TENM2: variants seen among roughly 807,000 people sequenced by gnomAD.
The protein encoded by TENM2 is teneurin transmembrane protein 2.
A neutral mutation model predicts 245.2 loss-of-function variants in TENM2; 52 were observed. The observed-to-expected ratio is 0.21, with a 90% CI of 0.17 to 0.27. The LOEUF is 0.27. Among genes scored for constraint, TENM2 ranks in the 10% least tolerant of loss-of-function variants. The pLI is 1.00. For missense variants in TENM2, 3,046 were observed against 3,666.8 expected, an observed-to-expected ratio of 0.83 and a Z score of 4.37; for synonymous variants, 1,363 against 1,438.9, an observed-to-expected ratio of 0.95 and a Z score of 1.19.
At chr5:167,443,809 G>T (rs1220067557) in intron 2 of TENM2, among the ~76,000 whole-genome samples, 1 of 151,650 alleles carries the variant, frequency 6.6e-6, no homozygotes, top group African/African-American at 2.4e-5. Context: ...TTGAAAACAG[G>T]GGACTTATTT....
intron 2 of TENM2, among the ~76,000 whole-genome samples, chr5:167,631,668 A>G (rs1318489303): frequency 6.6e-6 from 1 of 151,980 alleles, no homozygotes; most frequent in Non-Finnish European, 1.5e-5. Context: ...GACTCACCTC[A>G]CTTCCTCTAA....
chr5:167,124,289 G>A, the TENM2 span, among the ~76,000 whole-genome samples: 1 of 152,194 alleles, frequency 6.6e-6, no homozygotes, highest in African/African-American at 2.4e-5. Context: ...TTTTTTCAAT[G>A]TATTATTCCT....
At chr5:167,357,530 G>T (rs2127253628) in intron 1 of TENM2, among the ~76,000 whole-genome samples, 1 of 152,142 alleles carries the variant, frequency 6.6e-6, no homozygotes, top group East Asian at 1.9e-4. Context: ...AAAGTGCTGG[G>T]ATTACAGATG....
chr5:168,007,384 C>T (rs1293486065), intron 5 of TENM2, among the ~76,000 whole-genome samples: 1 of 152,208 alleles, frequency 6.6e-6, no homozygotes, highest in Non-Finnish European at 1.5e-5. Flanking sequence ...CCACCTTGGC[C>T]TCCTAAAGTG....
chr5:167,139,865 C>T, the TENM2 span, among the ~76,000 whole-genome samples: 4 of 152,258 alleles, frequency 2.6e-5, no homozygotes, highest in Non-Finnish European at 5.9e-5. Context: ...TCAGATGTGC[C>T]GTACATGCTT....
intron 1 of TENM2, among the ~76,000 whole-genome samples, chr5:167,288,685 G>A (rs1561838260): frequency 6.6e-6 from 1 of 152,104 alleles, no homozygotes; most frequent in Non-Finnish European, 1.5e-5. Context: ...TTTGCGAGGT[G>A]GATACTATCA....
At chr5:167,380,247 A>G (rs989773415) in intron 2 of TENM2, among the ~76,000 whole-genome samples, 1 of 152,148 alleles carries the variant, frequency 6.6e-6, no homozygotes, top group Non-Finnish European at 1.5e-5. Flanking sequence ...GTCTTAATAT[A>G]TGATTACTAT....
chr5:167,528,311 T>A (rs1284580868), intron 2 of TENM2, among the ~76,000 whole-genome samples: 4 of 152,136 alleles, frequency 2.6e-5, no homozygotes, highest in African/African-American at 4.8e-5. Flanking sequence ...GGATGTGCAA[T>A]ATTTGGCTAA....
rs139078440 is a variant in TENM2 at position 167,742,977 on chromosome 5, AAACAACAACAACAACAAC to A, written c.503-132982_503-132965del. On this transcript the variant is annotated intron_variant, in intron 2 of 28. Transcript: ENST00000518659. Reference sequence around the variant, plus strand: ...GTGACAGAGTGAGACCTTGTCTTAAAAACAACAACAACAACAACAACAACAACAACAACAACAACAACA... The same window carrying A: ...GTGACAGAGTGAGACCTTGTCTTAAAAACAACAACAACAACAACAACAACA... Among the ~76,000 whole-genome samples the A allele has an allele frequency of 8.8e-3, 1,298 of 147,834 alleles. 20 individuals carry two copies. Among genetic ancestry groups the A allele is most frequent in the African/African-American group, 0.03 (1,220 of 40,044 alleles).
chr5:167,167,655 T>C, the TENM2 span, among the ~76,000 whole-genome samples: 1 of 152,226 alleles, frequency 6.6e-6, no homozygotes, highest in Admixed American at 6.5e-5. Flanking sequence ...CATAGCACGT[T>C]ATATGTAGGA....
chr5:167,807,631 A>ATTT lies in TENM2; in HGVS notation c.503-68355_503-68354insTTT, dbSNP rs1561803907. Among the ~76,000 whole-genome samples the ATTT allele has an allele frequency of 7.6e-3, 827 of 108,876 alleles. 7 individuals are homozygous for ATTT. Among genetic ancestry groups the ATTT allele is most frequent in the South Asian group, 0.025 (87 of 3,524 alleles). 71.4% of individuals were successfully genotyped at this position (108,876 alleles called of 152,430 possible). A position where few individuals can be genotyped will look rare whatever the true frequency, so the allele number is the denominator to read the frequency against. On this transcript the variant is annotated intron_variant, in intron 2 of 28. Transcript: ENST00000518659. Reference sequence around the variant, plus strand: ...TAATAAATGCATTTTTTTTAAAAAAAAAAAAAAAGAGACAGAACCTCTTAA... The same window carrying ATTT: ...TAATAAATGCATTTTTTTTAAAAAAATTTAAAAAAAAGAGACAGAACCTCTTAA...
intron 2 of TENM2, among the ~76,000 whole-genome samples, chr5:167,642,412 A>G (rs1163864320): frequency 1.3e-5 from 2 of 152,154 alleles, no homozygotes; most frequent in Non-Finnish European, 2.9e-5. Context: ...GAGACAACAG[A>G]ACACAGTTGA....
intron 9 of TENM2, among the ~76,000 whole-genome samples, chr5:168,117,563 G>A (rs1795171657): frequency 6.6e-6 from 1 of 152,186 alleles, no homozygotes; most frequent in African/African-American, 2.4e-5. Context: ...AAATTATGTG[G>A]ATGTAATTTC....
chr5:167,543,907 GT>G (rs1052239003), intron 2 of TENM2, among the ~76,000 whole-genome samples: 12 of 152,140 alleles, frequency 7.9e-5, no homozygotes, highest in African/African-American at 2.9e-4. Flanking sequence ...CATAAGTCAT[GT>G]TGGATAAACA....
intron 2 of TENM2, among the ~76,000 whole-genome samples, chr5:167,621,108 A>G (rs1358521597): frequency 6.6e-6 from 1 of 152,170 alleles, no homozygotes; most frequent in Non-Finnish European, 1.5e-5. Flanking sequence ...AGTATTTAAT[A>G]AGTGATGATG....
chr5:167,705,964 G>A (rs1188090872), intron 2 of TENM2, among the ~76,000 whole-genome samples: 2 of 79,360 alleles, frequency 2.5e-5, no homozygotes, highest in African/African-American at 1.4e-4. Flanking sequence ...TCAAGGCTGG[G>A]TTATATATAT....
At chr5:167,452,964 T>TTAAATATGTATATATTTA (rs1554157789) in intron 2 of TENM2, among the ~76,000 whole-genome samples, 1 of 108,224 alleles carries the variant, frequency 9.2e-6, no homozygotes, top group Non-Finnish European at 1.8e-5. Context: ...TATATATATT[T>TTAAATATGTATATATTTA]AAAAAAAAAA....
chr5:168,215,237 G>A (rs1018576146), exon 21 of TENM2: 9 of 1,613,776 alleles, frequency 5.6e-6, no homozygotes, highest in East Asian at 2.2e-5. Flanking sequence ...GGGGATGGAG[G>A]GAAGGCCATA....
chr5:167,718,246 T>C (rs1223313512), intron 2 of TENM2, among the ~76,000 whole-genome samples: 1 of 152,188 alleles, frequency 6.6e-6, no homozygotes, highest in African/African-American at 2.4e-5. Flanking sequence ...CCCCATCCTG[T>C]TGCTGTGGAA....
Sources: allele counts gnomAD v4.1 joint callset (sites outside exome capture counted in the v4.1 genomes callset), GRCh38; gene constraint gnomAD v4.1.1; transcripts MANE v1.5; gene names NCBI Gene and HGNC (gene_info 2026-07-23, HGNC 2026-07-21).